The following RTCA variants were observed in gnomAD, a reference collection of about 807,000 sequenced individuals.
RTCA encodes the protein RNA 3'-terminal phosphate cyclase.
RTCA carries 37 observed loss-of-function variants against 46.1 expected under a neutral mutation model. That is an observed-to-expected ratio of 0.80 (90% CI 0.62 to 1.06). RTCA has a LOEUF of 1.06. Ranked by LOEUF, RTCA falls within the 50% of genes least tolerant of loss-of-function variation. RTCA has a pLI of 0.00. For synonymous variants in RTCA, 164 were observed against 158.3 expected (o/e 1.04, Z -0.27); for missense variants, 435 against 455.5 (o/e 0.95, Z 0.41).
At chr1:100,269,467 G>C (rs1243422085) in intron 3 of RTCA, among the ~76,000 whole-genome samples, 1 of 149,172 alleles carries the variant, frequency 6.7e-6, no homozygotes, top group Non-Finnish European at 1.5e-5. Context: ...CTAAAGTGCT[G>C]AGACTACAGG....
intron 6 of RTCA, among the ~76,000 whole-genome samples, chr1:100,275,344 T>C (rs1306124645): frequency 6.6e-6 from 1 of 152,188 alleles, no homozygotes; most frequent in Non-Finnish European, 1.5e-5. Context: ...AATTTACCCA[T>C]GTAACAAACC....
At chr1:100,275,061 T>C (rs1407332651) in intron 6 of RTCA, 96 bp downstream of exon 6, 2 of 1,258,346 alleles carry the variant, frequency 1.6e-6, no homozygotes, top group Admixed American at 2.3e-5. Context: ...AACTTAACAT[T>C]TTTTTAAGGA....
intron 4 of RTCA, among the ~76,000 whole-genome samples, chr1:100,272,283 A>G (rs1356705546): frequency 6.6e-6 from 1 of 152,140 alleles, no homozygotes; most frequent in Non-Finnish European, 1.5e-5. Flanking sequence ...TACCAGTACT[A>G]TATGAGAGTT....
chr1:100,266,279 C>G lies in RTCA; in HGVS notation c.-97C>G. The G allele has an allele frequency of 6.7e-7, 1 of 1,491,416 alleles. No individual in the cohort carries two copies. The highest frequency in any genetic ancestry group is 2.2e-5 in the Admixed American group (1 of 46,282). The allele number at this position is 1,491,416 out of a possible 1,614,324, so 92.4% of individuals were successfully genotyped here. ...AGGCTCCTGCGCCCCAGGCATGAAC[C>G]AAGGTTTCTGAACTACTGGGCGGGA... On this transcript the variant is annotated 5_prime_UTR_variant, in exon 1 of 11. Coordinates refer to ENST00000370128, the MANE Select transcript of RTCA (RefSeq NM_003729.4).
intron 2 of RTCA, chr1:100,267,587 CT>C: frequency 6.6e-7 from 1 of 1,507,148 alleles, no homozygotes; most frequent in Non-Finnish European, 8.9e-7. Context: ...CCAGGCCTGT[CT>C]TTTTGCCTCT....
chr1:100,285,249 G>C lies in RTCA; in HGVS notation c.821G>C (p.Gly274Ala), dbSNP rs752014393. Reference sequence around the variant, plus strand: ...TAAGGTGTAAATGCAGACAAAGTTGGAATTGAAGCTGCCGAAATGCTATTA... The same window carrying C: ...TAAGGTGTAAATGCAGACAAAGTTGCAATTGAAGCTGCCGAAATGCTATTA... ...GKRGVNADKV[G>A]IEAAEMLLAN... is the part of the protein sequence containing the mutation. Residue 274 changes from glycine to alanine, a missense_variant, in exon 9 of 11, where the codon GGA (glycine) becomes GCA (alanine). Physicochemically the swap from Gly to Ala is moderately conservative, Grantham distance 60. Coordinates refer to ENST00000370128, the MANE Select transcript of RTCA (RefSeq NM_003729.4). 6.2e-7 allele frequency: 1 copy of C among 1,613,524 alleles called. No homozygotes were observed.
rs1667073274 is a variant in RTCA, at chr1:100,287,131, T to C, written c.927T>C (p.Val309=). 6.3e-7 allele frequency: 1 copy of C among 1,582,958 alleles called. No individual in the cohort carries two copies. The highest frequency in any genetic ancestry group is 1.4e-5 in the African/African-American group (1 of 72,868). Reference sequence around the variant, plus strand: ...TTTTCATGGCATTAGCCAATGGAGTTTCCAGAATAAAAACAGGACCAGTTA... The same window carrying C: ...TTTTCATGGCATTAGCCAATGGAGTCTCCAGAATAAAAACAGGACCAGTTA... ...LIVFMALANG[V]SRIKTGPVTL... Residue 309 remains valine (V), a synonymous_variant, in exon 10 of 11, where the codon GTT becomes GTC. Coordinates refer to ENST00000370128, the MANE Select transcript of RTCA (RefSeq NM_003729.4).
intron 8 of RTCA, among the ~76,000 whole-genome samples, 153 bp from the exon 9 acceptor site, chr1:100,285,075 A>G (rs1666942492): frequency 6.6e-6 from 1 of 152,230 alleles, no homozygotes; most frequent in Non-Finnish European, 1.5e-5. Context: ...TTAAATAACT[A>G]AAGATCTTAT....
intron 9 of RTCA, 106 bp downstream of exon 9, chr1:100,285,428 C>A: frequency 1.4e-6 from 1 of 715,218 alleles, no homozygotes; most frequent in South Asian, 1.8e-5. Context: ...ATTAGCAAGT[C>A]CTACTTCAAT....
intron 3 of RTCA, among the ~76,000 whole-genome samples, chr1:100,270,336 G>A (rs1666015074): frequency 6.6e-6 from 1 of 152,150 alleles, no homozygotes; most frequent in African/African-American, 2.4e-5. Flanking sequence ...ATCATTTAAA[G>A]CTATTTTTCT....
chr1:100,268,222 G>C lies in RTCA; in HGVS notation c.217G>C (p.Gly73Arg). 1 of 1,614,146 alleles carries C rather than the reference G, an allele frequency of 6.2e-7. No individual in the cohort carries two copies. The highest frequency in any genetic ancestry group is 8.5e-7 in the Non-Finnish European group (1 of 1,180,026). ...TGGGCAACTGGAGGGGGCAGAAATT[G>C]GCTCAACAGAAATAACCTTTACACC... is the stretch of plus-strand genomic sequence containing the variant. ...CDGQLEGAEI[G>R]STEITFTPEK... Residue 73 changes from glycine (G) to arginine (R), a missense_variant, in exon 3 of 11, where the codon GGC (glycine) becomes CGC (arginine). Gly to Arg is a moderately radical substitution (Grantham distance 125). Coordinates refer to ENST00000370128, the MANE Select transcript of RTCA (RefSeq NM_003729.4).
chr1:100,291,096 A>G (rs1201081218), intron 10 of RTCA, among the ~76,000 whole-genome samples: 2 of 152,210 alleles, frequency 1.3e-5, no homozygotes, highest in African/African-American at 2.4e-5. Context: ...AGGTTTCAAA[A>G]TTGTTATTTG....
At position 100,268,210 on chromosome 1, in the gene RTCA, G is replaced by A; in HGVS notation, c.205G>A (p.Gly69Arg). ...AGATTTGTGTGATGGGCAACTGGAG[G>A]GGGCAGAAATTGGCTCAACAGAAAT... ...IRDLCDGQLEGAEIGSTEITF... is the reference protein window; with the variant it reads ...IRDLCDGQLERAEIGSTEITF... Residue 69 changes from glycine (G) to arginine (R), a missense_variant, in exon 3 of 11, where the codon GGG becomes AGG. Transcript: ENST00000370128. The A allele has an allele frequency of 6.2e-7, 1 of 1,614,154 alleles. No individual in the cohort carries two copies. The highest frequency in any genetic ancestry group is 8.5e-7 in the Non-Finnish European group (1 of 1,180,028).
At chr1:100,284,415 G>A (rs533487754) in intron 8 of RTCA, among the ~76,000 whole-genome samples, 11 of 138,154 alleles carry the variant, frequency 8.0e-5, no homozygotes, top group Admixed American at 6.7e-4. Flanking sequence ...TTTTTTTTTG[G>A]CAGAGTCCTG....
chr1:100,272,869 T>C (rs1391607590), intron 4 of RTCA, among the ~76,000 whole-genome samples: 1 of 152,220 alleles, frequency 6.6e-6, no homozygotes, highest in Non-Finnish European at 1.5e-5. Context: ...TATATCATTA[T>C]CTAATAATGA....
At chr1:100,270,794 G>A in intron 4 of RTCA, 114 bp downstream of exon 4, 2 of 1,277,692 alleles carry the variant, frequency 1.6e-6, no homozygotes, top group South Asian at 1.5e-5. Context: ...TCTCTTCATG[G>A]TGTCTTTTCT....
At chr1:100,279,087 A>ATT (rs2100803022) in intron 8 of RTCA, among the ~76,000 whole-genome samples, 1 of 152,334 alleles carries the variant, frequency 6.6e-6, no homozygotes, top group East Asian at 1.9e-4. Context: ...TATCTACAAC[A>ATT]GTCTTTAGAA....
intron 4 of RTCA, among the ~76,000 whole-genome samples, chr1:100,271,823 A>T (rs1666113429): frequency 1.3e-5 from 2 of 152,252 alleles, no homozygotes; most frequent in Admixed American, 1.3e-4. Context: ...ACTCTAAAAA[A>T]TTCCCTTATA....
Position 100,291,285 on chromosome 1 carries a change from C to T in RTCA, c.1000-118C>T. On this transcript the variant is annotated intron_variant, in intron 10 of 10. Coordinates refer to ENST00000370128, the MANE Select transcript of RTCA (RefSeq NM_003729.4). ...CATCAATCATTTGATCTTTGTGTCT[C>T]TGTAGGTTTTTCAATAAAATGGGCT... 4.8e-6 allele frequency: 3 copies of T among 619,088 alleles called. No homozygotes were observed. The South Asian group carries it at 6.3e-5, about 13-fold the overall frequency. 38.3% of individuals were successfully genotyped at this position (619,088 alleles called of 1,614,324 possible). A position where few individuals can be genotyped will look rare whatever the true frequency, so the allele number is the denominator to read the frequency against.
Sources: gnomAD v4.1 joint callset for allele counts (sites outside exome capture counted in the v4.1 genomes callset) on GRCh38, gnomAD v4.1.1 for gene constraint, MANE v1.5 for transcripts, NCBI Gene and HGNC (gene_info 2026-07-23, HGNC 2026-07-21) for gene names.